RARB: variants seen among roughly 807,000 people sequenced by gnomAD.
RARB encodes the protein HBV-activated protein.
In RARB, 17 loss-of-function variants were observed where a neutral mutation model predicts 51.9. The ratio of observed to expected loss-of-function variants is 0.33; its 90% confidence interval spans 0.22 to 0.49. RARB has a LOEUF of 0.49. Among genes scored for constraint, RARB ranks in the 20% least tolerant of loss-of-function variants. The pLI is 0.99. For missense variants in RARB, 369 were observed against 550.8 expected (o/e 0.67, Z 3.30); for synonymous variants, 215 against 195.4 (o/e 1.10, Z -0.84).
At chr3:25,344,037 T>A (rs1705313124) in intron 5 of RARB, among the ~76,000 whole-genome samples, 1 of 152,200 alleles carries the variant, frequency 6.6e-6, no homozygotes, top group African/African-American at 2.4e-5. Flanking sequence ...AAAGAATTTA[T>A]GTCGGCAGAA....
At chr3:25,470,023 G>A (rs747004056) in intron 2 of RARB, among the ~76,000 whole-genome samples, 1 of 152,176 alleles carries the variant, frequency 6.6e-6, no homozygotes, top group Non-Finnish European at 1.5e-5. Flanking sequence ...TCCGGAGGCC[G>A]TGTTGAGTCA....
At chr3:25,214,085 C>T (rs1017807455) in intron 5 of RARB, among the ~76,000 whole-genome samples, 1 of 152,156 alleles carries the variant, frequency 6.6e-6, no homozygotes, top group Admixed American at 6.5e-5. Context: ...GATTCATAGT[C>T]AGCATAGATA....
At chr3:25,413,185 A>G (rs1331883299) in intron 5 of RARB, among the ~76,000 whole-genome samples, 1 of 152,216 alleles carries the variant, frequency 6.6e-6, no homozygotes. Flanking sequence ...AGATTAACTG[A>G]AACATTAATG....
intron 3 of RARB, among the ~76,000 whole-genome samples, chr3:25,562,069 A>G (rs2125679555): frequency 6.6e-6 from 1 of 152,266 alleles, no homozygotes; most frequent in Middle Eastern, 3.4e-3. Context: ...AAGACTATTG[A>G]TTCCTGAACC....
chr3:24,830,040 A>G (rs914068331), intron 1 of RARB, among the ~76,000 whole-genome samples: 2 of 152,160 alleles, frequency 1.3e-5, no homozygotes, highest in African/African-American at 4.8e-5. Flanking sequence ...CAGGCTGCAC[A>G]TGGCAGGAGT....
chr3:25,408,215 T>C (rs773451842), intron 5 of RARB, among the ~76,000 whole-genome samples: 1 of 152,192 alleles, frequency 6.6e-6, no homozygotes, highest in African/African-American at 2.4e-5. Flanking sequence ...TGATGGGCTA[T>C]GTATTAATCC....
At chr3:25,318,021 A>C (rs1704473353) in intron 5 of RARB, among the ~76,000 whole-genome samples, 1 of 152,210 alleles carries the variant, frequency 6.6e-6, no homozygotes, top group Admixed American at 6.5e-5. Flanking sequence ...AGAGATTTTG[A>C]ATATGTGTTA....
chr3:24,949,077 G>T (rs1287325390), intron 2 of RARB, among the ~76,000 whole-genome samples: 1 of 152,090 alleles, frequency 6.6e-6, no homozygotes, highest in Non-Finnish European at 1.5e-5. Context: ...GAAAGACCTG[G>T]GTCTTCTCAG....
intron 3 of RARB, among the ~76,000 whole-genome samples, chr3:25,080,747 T>C (rs12630658): frequency 0.53 from 80,574 of 151,958 alleles, 22,184 homozygotes; most frequent in Admixed American, 0.64. Flanking sequence ...TTGCCTATTT[T>C]TCAACTGAGT....
At chr3:25,197,922 G>GA (rs1559501586) in intron 5 of RARB, among the ~76,000 whole-genome samples, 1 of 151,914 alleles carries the variant, frequency 6.6e-6, no homozygotes, top group African/African-American at 2.4e-5. Context: ...CACAGAAATA[G>GA]AAAAAATAAT....
chr3:25,541,644 C>G (rs1431275235), intron 3 of RARB, among the ~76,000 whole-genome samples: 3 of 152,164 alleles, frequency 2.0e-5, no homozygotes, highest in Non-Finnish European at 2.9e-5. Flanking sequence ...GAACATTTCC[C>G]CTTACACAGC....
chr3:24,953,686 G>C (rs1282352522), intron 2 of RARB, among the ~76,000 whole-genome samples: 1 of 152,184 alleles, frequency 6.6e-6, no homozygotes, highest in Non-Finnish European at 1.5e-5. Context: ...TTGTGCCTAG[G>C]AAATTACAGA....
intron 4 of RARB, among the ~76,000 whole-genome samples, chr3:25,575,047 C>T (rs978242315): frequency 2.0e-5 from 3 of 152,110 alleles, no homozygotes; most frequent in African/African-American, 7.2e-5. Context: ...AGCAGCGGTC[C>T]CCAACCTTCT....
rs1196931622 is a variant in RARB at position 25,597,723 on chromosome 3, G to GGTTAACAGATAC, written c.*1108_*1119dup. The stretch of plus-strand genomic sequence containing the variant: ...AGCAGAGTGAAAGCTGTGGTAGAGT[G>GGTTAACAGATAC]GTTAACAGATACAAGTGTCAGTTTC... On this transcript the variant is annotated 3_prime_UTR_variant, in exon 8 of 8. Coordinates refer to ENST00000330688, the MANE Select transcript of RARB (RefSeq NM_000965.5). 6.6e-6 allele frequency: 1 copy of GGTTAACAGATAC among 152,482 alleles called. No homozygotes were observed. Among genetic ancestry groups the GGTTAACAGATAC allele is most frequent in the African/African-American group, 2.4e-5 (1 of 41,398 alleles). 9.4% of individuals were successfully genotyped at this position (152,482 alleles called of 1,614,324 possible). A position where few individuals can be genotyped will look rare whatever the true frequency, so the allele number is the denominator to read the frequency against.
chr3:25,247,981 A>G (rs1225276416), intron 5 of RARB, among the ~76,000 whole-genome samples: 2 of 152,192 alleles, frequency 1.3e-5, no homozygotes, highest in Admixed American at 6.5e-5. Flanking sequence ...TGGAGTGTTG[A>G]AGTCCCCAAC....
At chr3:25,302,083 C>G (rs1199683453) in intron 5 of RARB, among the ~76,000 whole-genome samples, 3 of 152,186 alleles carry the variant, frequency 2.0e-5, no homozygotes, top group Non-Finnish European at 4.4e-5. Flanking sequence ...TGAGATACTA[C>G]TTTATACTCA....
intron 3 of RARB, among the ~76,000 whole-genome samples, chr3:25,539,779 C>A (rs1435016084): frequency 6.6e-6 from 1 of 151,910 alleles, no homozygotes; most frequent in Non-Finnish European, 1.5e-5. Context: ...TCTAAGACTG[C>A]ATTACTTATT....
At chr3:25,095,902 G>A (rs762633021) in intron 3 of RARB, among the ~76,000 whole-genome samples, 1 of 152,076 alleles carries the variant, frequency 6.6e-6, no homozygotes, top group Non-Finnish European at 1.5e-5. Flanking sequence ...AAATCTCAAT[G>A]CATTTTAAAT....
chr3:25,238,282 A>G (rs187353674), intron 5 of RARB, among the ~76,000 whole-genome samples: 5 of 152,100 alleles, frequency 3.3e-5, no homozygotes, highest in Non-Finnish European at 1.5e-5. Context: ...GGCTTATTTC[A>G]CTTAACATAA....
Sources: allele counts gnomAD v4.1 joint callset (sites outside exome capture counted in the v4.1 genomes callset), GRCh38; gene constraint gnomAD v4.1.1; transcripts MANE v1.5; gene names NCBI Gene and HGNC (gene_info 2026-07-23, HGNC 2026-07-21).